The following C6 variants were observed in gnomAD, a reference collection of about 807,000 sequenced individuals.
C6 encodes the protein complement component C6.
A neutral mutation model predicts 112.9 loss-of-function variants in C6; 101 were observed. The observed-to-expected ratio is 0.89, with a 90% CI of 0.76 to 1.06. C6 has a LOEUF of 1.06. C6 is among the 50% of genes least tolerant of loss of function. The pLI is 0.00. For missense variants in C6, 1,202 were observed against 1,104.6 expected, an observed-to-expected ratio of 1.09 and a Z score of -1.25; for synonymous variants, 431 against 384.1, an observed-to-expected ratio of 1.12 and a Z score of -1.43.
intron 5 of C6, among the ~76,000 whole-genome samples, chr5:41,188,314 A>T (rs548463112): frequency 6.6e-6 from 1 of 152,246 alleles, no homozygotes; most frequent in African/African-American, 2.4e-5. Flanking sequence ...AACAGCCAAG[A>T]GAATCGTGAG....
At chr5:41,149,151 T>G in intron 17 of C6, 90 bp downstream of exon 17, 1 of 1,464,282 alleles carries the variant, frequency 6.8e-7, no homozygotes, top group Non-Finnish European at 9.6e-7. Context: ...TTATTTTTGA[T>G]TAAGGATAGG....
At chr5:41,219,255 T>C (rs1047443061) in intron 1 of C6, among the ~76,000 whole-genome samples, 9 of 152,144 alleles carry the variant, frequency 5.9e-5, no homozygotes, top group South Asian at 4.1e-4. Context: ...TAGGGTGGTA[T>C]AGAAAAAGGA....
intron 1 of C6, among the ~76,000 whole-genome samples, chr5:41,252,618 T>C (rs572844800): frequency 6.6e-6 from 1 of 152,344 alleles, no homozygotes; most frequent in East Asian, 1.9e-4. Flanking sequence ...GCCATCTCTT[T>C]TGGGAGAATT....
Position 41,150,011 on chromosome 5 carries a change from AT to A in C6, c.2304del (p.Lys768AsnfsTer2), listed in dbSNP as rs1468759946. ...SLTCEKDTLTKLKGHCQLGQK... is the reference protein window; with the variant it reads ...SLTCEKDTLTXLKGHCQLGQK... ...TGTCCCAGCTGACAATGGCCTTTTA[AT>A]TTTGTTAGAGTATCTGAAACAAAAG... On this transcript the variant is annotated frameshift_variant, in exon 16 of 18. Coordinates refer to ENST00000337836, the MANE Select transcript of C6 (RefSeq NM_000065.5). LOFTEE classifies it high-confidence loss of function. 1 of 1,610,558 alleles carries A rather than the reference AT, an allele frequency of 6.2e-7. No individual in the cohort carries two copies. Among genetic ancestry groups the A allele is most frequent in the African/African-American group, 1.3e-5 (1 of 74,932 alleles).
At chr5:41,145,771 G>T (rs1745764273) in intron 17 of C6, among the ~76,000 whole-genome samples, 1 of 152,184 alleles carries the variant, frequency 6.6e-6, no homozygotes, top group African/African-American at 2.4e-5. Flanking sequence ...TTGATGGAAG[G>T]GATGGAGTTT....
intron 1 of C6, among the ~76,000 whole-genome samples, chr5:41,229,333 C>CT (rs35058762): frequency 0.028 from 3,986 of 140,644 alleles, 86 homozygotes; most frequent in African/African-American, 0.054. Context: ...TCATTCAGAA[C>CT]TTTTTTTTTT....
chr5:41,232,189 C>A (rs13167641), intron 1 of C6, among the ~76,000 whole-genome samples: 1 of 151,818 alleles, frequency 6.6e-6, no homozygotes, highest in Admixed American at 6.6e-5. Flanking sequence ...AATATTTGAA[C>A]ATAAAAAGCT....
rs1268120566 is a variant in C6 at position 41,160,192 on chromosome 5, C to T, written c.1634G>A (p.Ser545Asn). The T allele has an allele frequency of 2.5e-6, 4 of 1,613,954 alleles. No homozygotes were observed. In the Admixed American group the frequency reaches 6.7e-5, roughly 27 times the overall value. The change falls in exon 11 of 18, where the codon AGT becomes AAT. Residue 545 changes from serine (S) to asparagine (N), a missense_variant. Physicochemically the swap from Ser to Asn is conservative, Grantham distance 46. Transcript: ENST00000337836. ...SGTECLCVCQ[S>N]GTYGENCEKQ... ...CTCACAGTTCTCACCATAGGTGCCA[C>T]TCTGACACACACACAGACATTCAGT...
chr5:41,225,976 T>C lies in C6; in HGVS notation c.-20-22726A>G, dbSNP rs180997778. Among the ~76,000 whole-genome samples the C allele has an allele frequency of 2.6e-3, 402 of 152,264 alleles. 1 individual carries two copies. Among genetic ancestry groups the C allele is most frequent in the African/African-American group, 9.3e-3 (387 of 41,560 alleles). On this transcript the variant is annotated intron_variant, in intron 1 of 17. Coordinates refer to the C6 transcript ENST00000263413. Reference sequence around the variant, plus strand: ...TCAAGATGGATTAAATACTTAAATGTTAGACCTAAAACCATAAAAACCCTA... The same window carrying C: ...TCAAGATGGATTAAATACTTAAATGCTAGACCTAAAACCATAAAAACCCTA...
chr5:41,205,363 A>G (rs1366154825), intron 1 of C6, among the ~76,000 whole-genome samples: 4 of 152,334 alleles, frequency 2.6e-5, no homozygotes, highest in African/African-American at 9.6e-5. Context: ...GGTTCATCTC[A>G]CTGGGGCTTG....
At chr5:41,160,121 C>T (rs2150265042) in intron 11 of C6, 21 bp downstream of exon 11, 1 of 1,581,014 alleles carries the variant, frequency 6.3e-7, no homozygotes, top group Non-Finnish European at 8.7e-7. Flanking sequence ...ATCTACCTCA[C>T]AATAGATTCC....
At position 41,247,672 on chromosome 5, in the gene C6, C is replaced by G. The variant is rs532693429; in HGVS notation, c.-21+13522G>C. On this transcript the variant is annotated intron_variant, in intron 1 of 17. Coordinates refer to the C6 transcript ENST00000263413. ...GGTGGAGCCTGCAGTGAGCCGAGAT[C>G]GCGCCACTGCACTCCAGCCTGGGTG... Among the ~76,000 whole-genome samples, 4 of 149,314 alleles carry G rather than the reference C, an allele frequency of 2.7e-5. No individual in the cohort carries two copies. The East Asian group carries it at 7.9e-4, about 30-fold the overall frequency.
At chr5:41,206,303 A>G (rs967508913) in intron 1 of C6, among the ~76,000 whole-genome samples, 1 of 152,238 alleles carries the variant, frequency 6.6e-6, no homozygotes, top group African/African-American at 2.4e-5. Context: ...TCTAAAAATC[A>G]GAGCACCTCT....
At chr5:41,255,237 T>C (rs1397844380) in intron 1 of C6, among the ~76,000 whole-genome samples, 1 of 151,904 alleles carries the variant, frequency 6.6e-6, no homozygotes, top group Non-Finnish European at 1.5e-5. Flanking sequence ...GGTGGGTGCC[T>C]GTAATCCCAG....
chr5:41,223,076 A>T (rs1420491213), intron 1 of C6, among the ~76,000 whole-genome samples: 3 of 152,120 alleles, frequency 2.0e-5, no homozygotes, highest in Non-Finnish European at 2.9e-5. Context: ...ATTGTGAGGG[A>T]TAAATTTGTA....
rs1157894161 is a variant in C6, at chr5:41,211,275, A to G, written c.-21+2101T>C. On this transcript the variant is annotated intron_variant, in intron 1 of 17. Coordinates refer to ENST00000337836, the MANE Select transcript of C6 (RefSeq NM_000065.5). ...GGGGAGAGGCATAGCATTAGGACAT[A>G]TACCTAATGCTAAATGACGAGTTAA... is the stretch of plus-strand genomic sequence containing the variant. Among the ~76,000 whole-genome samples, 4 of 151,522 alleles carry G rather than the reference A, an allele frequency of 2.6e-5. No individual in the cohort carries two copies. In the South Asian group the frequency reaches 8.4e-4, roughly 32 times the overall value.
At chr5:41,187,626 A>G (rs2150337606) in intron 5 of C6, among the ~76,000 whole-genome samples, 1 of 152,212 alleles carries the variant, frequency 6.6e-6, no homozygotes, top group East Asian at 1.9e-4. Context: ...AAAAGAAAGT[A>G]AGGCTAATAT....
intron 1 of C6, among the ~76,000 whole-genome samples, chr5:41,240,457 G>A (rs1328250689): frequency 6.6e-6 from 1 of 152,122 alleles, no homozygotes; most frequent in Non-Finnish European, 1.5e-5. Flanking sequence ...CATAGTATGG[G>A]CCATGGCAGT....
intron 9 of C6, among the ~76,000 whole-genome samples, chr5:41,166,065 T>G (rs1467297682): frequency 1.3e-5 from 2 of 152,098 alleles, no homozygotes; most frequent in Non-Finnish European, 2.9e-5. Flanking sequence ...TATCAGCTTC[T>G]TAAAAAACTA....
Sources: gnomAD v4.1 joint callset for allele counts (sites outside exome capture counted in the v4.1 genomes callset) on GRCh38, gnomAD v4.1.1 for gene constraint, MANE v1.5 for transcripts, NCBI Gene and HGNC (gene_info 2026-07-23, HGNC 2026-07-21) for gene names.